The following ADGRE2 variants were observed in gnomAD, a reference collection of about 807,000 sequenced individuals.
ADGRE2 encodes the protein CD97 antigen.
In ADGRE2, 83 loss-of-function variants were observed where a neutral mutation model predicts 100.8. The ratio of observed to expected loss-of-function variants is 0.82; its 90% CI spans 0.69 to 0.99. The LOEUF (loss-of-function observed/expected upper bound fraction) is 0.99, where lower values mean the gene tolerates loss of function less well. Among genes scored for constraint, ADGRE2 ranks in the 50% least tolerant of loss-of-function variants. The pLI, the probability that ADGRE2 is intolerant of heterozygous loss-of-function variation, is 0.00. For synonymous variants in ADGRE2, 355 were observed against 413.0 expected, an observed-to-expected ratio of 0.86 and a Z score of 1.70; for missense variants, 814 against 1,035.7, an observed-to-expected ratio of 0.79 and a Z score of 2.94.
Position 14,756,195 on chromosome 19 carries a change from C to T in ADGRE2, c.1192+43G>A, listed in dbSNP as rs1341392044. On this transcript the variant is annotated intron_variant, in intron 12 of 20. Coordinates refer to ENST00000315576, the MANE Select transcript of ADGRE2 (RefSeq NM_013447.4). ...TTTCACATTCTTGGGCATCTTTTCC[C>T]ACCATGAAGCTTCACTGACCACCTC... is the stretch of plus-strand genomic sequence containing the variant. The T allele has an allele frequency of 4.3e-6, 6 of 1,386,512 alleles. No homozygotes were observed. The East Asian group carries it at 6.8e-5, about 16-fold the overall frequency. The allele number at this position is 1,386,512 out of a possible 1,614,324, so 85.9% of individuals were successfully genotyped here.
chr19:14,746,153 C>T (rs911188901), intron 18 of ADGRE2, 79 bp downstream of exon 18: 6 of 815,526 alleles, frequency 7.4e-6, no homozygotes, highest in African/African-American at 7.1e-5. Context: ...GAAGGGACCT[C>T]AGTGGCTGCT....
At position 14,776,946 on chromosome 19, in the gene ADGRE2, G is replaced by T; in HGVS notation, c.-171-19C>A. On this transcript the variant is annotated intron_variant, in intron 1 of 20. Transcript: ENST00000315576. Reference sequence around the variant, plus strand: ...GGTGCAGCTGGAAGCCAGCAGGAAAGCACAATAAAAACACAGAACCAGGGG... The same window carrying T: ...GGTGCAGCTGGAAGCCAGCAGGAAATCACAATAAAAACACAGAACCAGGGG... The T allele has an allele frequency of 1.4e-5, 19 of 1,368,376 alleles. No individual in the cohort carries two copies. The East Asian group carries it at 1.5e-4, about 11-fold the overall frequency. The allele number at this position is 1,368,376 out of a possible 1,614,324, so 84.8% of individuals were successfully genotyped here. A position where few individuals can be genotyped will look rare whatever the true frequency, so the allele number is the denominator to read the frequency against.
intron 7 of ADGRE2, chr19:14,766,011 C>T: frequency 1.1e-6 from 1 of 905,250 alleles, no homozygotes; most frequent in South Asian, 1.7e-5. Flanking sequence ...GCCTTCCTCC[C>T]AGTGAGTCAT....
downstream of ADGRE2, among the ~76,000 whole-genome samples, chr19:14,728,212 CA>C (rs547568498): frequency 5.9e-3 from 892 of 151,508 alleles, 4 homozygotes; most frequent in African/African-American, 0.02. Flanking sequence ...GACTCCGTCT[CA>C]AAAAAAAATT....
Position 14,774,252 on chromosome 19 carries a change from T to C in ADGRE2, c.82+4A>G, listed in dbSNP as rs758924406. On this transcript the variant is annotated splice_donor_region_variant and intron_variant, in intron 3 of 20. Transcript: ENST00000315576. ...CTGTGCTTTCTGCTTCCCAGCAGAC[T>C]CACCCCTGGAGTCCTGGGTTTCAGC... 18 of 1,563,236 alleles carry C rather than the reference T, an allele frequency of 1.2e-5. No individual in the cohort carries two copies. Among genetic ancestry groups the C allele is most frequent in the Non-Finnish European group, 1.6e-5 (18 of 1,149,146 alleles).
At position 14,755,852 on chromosome 19, in the gene ADGRE2, G is replaced by T. The variant is rs1056140738; in HGVS notation, c.1218C>A (p.Ser406=). The T allele has an allele frequency of 7.4e-6, 12 of 1,614,114 alleles. No individual in the cohort carries two copies. Among genetic ancestry groups the T allele is most frequent in the Non-Finnish European group, 1.0e-5 (12 of 1,180,034 alleles). The stretch of plus-strand genomic sequence containing the variant: ...CCAGCAACTTGCCCATCCCTGGAAT[G>T]GAGACAAGGCCCACCACAGAAGGGC... The part of the protein sequence containing the change: ...DPGPSVVGLV[S]IPGMGKLLAE... Residue 406 remains serine, a synonymous_variant, in exon 13 of 21, where the codon TCC becomes TCA. Coordinates refer to ENST00000315576, the MANE Select transcript of ADGRE2 (RefSeq NM_013447.4).
rs151294697 is a variant in ADGRE2 at position 14,766,796 on chromosome 19, C to T, written c.487+182G>A. Among the ~76,000 whole-genome samples the T allele has an allele frequency of 1.9e-3, 289 of 152,322 alleles. 1 individual carries two copies. The highest frequency in any genetic ancestry group is 6.4e-3 in the African/African-American group (265 of 41,570). ...GCACTCCAAGCCCTGAAGGCCCTGCCGCCTCCCTGCCGTGTGGCGAGTCCT... is the reference window on the plus strand; with the variant it reads ...GCACTCCAAGCCCTGAAGGCCCTGCTGCCTCCCTGCCGTGTGGCGAGTCCT... On this transcript the variant is annotated intron_variant, in intron 6 of 20. Transcript: ENST00000315576.
At chr19:14,725,072 C>T in the ADGRE2 span, among the ~76,000 whole-genome samples, 1 of 152,198 alleles carries the variant, frequency 6.6e-6, no homozygotes. Context: ...CTCTGCTCAG[C>T]TTCTGGCGAG....
At position 14,756,059 on chromosome 19, in the gene ADGRE2, G is replaced by A. The variant is rs191120586; in HGVS notation, c.1192+179C>T. On this transcript the variant is annotated intron_variant, in intron 12 of 20. Transcript: ENST00000315576. ...ATCACATCCTGCAGGACAAGGCCAC[G>A]GTTAATATCTCAGGGTCCCCAACAA... 4.7e-4 allele frequency among the ~76,000 whole-genome samples: 71 copies of A among 152,278 alleles called. No homozygotes were observed. In the Middle Eastern group the frequency reaches 0.01, roughly 22 times the overall value.
intron 14 of ADGRE2, among the ~76,000 whole-genome samples, chr19:14,752,857 T>C (rs1327102616): frequency 6.6e-6 from 1 of 151,900 alleles, no homozygotes; most frequent in Non-Finnish European, 1.5e-5. Context: ...CTGCAGCCTC[T>C]GTCTCCTCGG....
intron 11 of ADGRE2, 62 bp from the exon 12 acceptor site, chr19:14,756,407 T>C: frequency 1.9e-6 from 2 of 1,060,248 alleles, no homozygotes; most frequent in Non-Finnish European, 2.9e-6. Context: ...CAGTGGTTGA[T>C]ATACTATGAC....
intron 20 of ADGRE2, among the ~76,000 whole-genome samples, chr19:14,740,636 A>G (rs2042901848): frequency 6.8e-6 from 1 of 147,976 alleles, no homozygotes; most frequent in Non-Finnish European, 1.5e-5. Context: ...AAAAAAAAAA[A>G]AGAAAAATAA....
At chr19:14,752,046 G>A (rs776025291) in intron 15 of ADGRE2, among the ~76,000 whole-genome samples, 13 of 150,818 alleles carry the variant, frequency 8.6e-5, no homozygotes, top group South Asian at 2.1e-4. Flanking sequence ...AGATTCTCTT[G>A]CCTCAGCCTC....
chr19:14,771,141 C>T (rs1285030974), intron 5 of ADGRE2, among the ~76,000 whole-genome samples: 1 of 152,156 alleles, frequency 6.6e-6, no homozygotes, highest in South Asian at 2.1e-4. Context: ...TCTGTCCTCA[C>T]TTTCCTCCCA....
chr19:14,752,580 G>T, intron 14 of ADGRE2, 54 bp from the exon 15 acceptor site: 2 of 1,574,056 alleles, frequency 1.3e-6, no homozygotes, highest in South Asian at 1.1e-5. Flanking sequence ...CTGGGGTAAT[G>T]ACCCCACCAC....
rs200389277 is a variant in ADGRE2, at chr19:14,766,279, G to A, written c.590C>T (p.Pro197Leu). ...TGGGCCATTGGGGGACCCCGGAATC[G>A]GTTGCCAGCCCGGGCGGCAGCGGCA... is the stretch of plus-strand genomic sequence containing the variant. ...YQCRCRPGWQ[P>L]IPGSPNGPNN... Residue 197 changes from proline (P) to leucine (L), a missense_variant, in exon 7 of 21, where the codon CCG becomes CTG. Coordinates refer to ENST00000315576, the MANE Select transcript of ADGRE2 (RefSeq NM_013447.4). 1.7e-5 allele frequency: 27 copies of A among 1,613,962 alleles called. No homozygotes were observed. Among genetic ancestry groups the A allele is most frequent in the Middle Eastern group, 1.6e-4 (1 of 6,084 alleles).
intron 4 of ADGRE2, among the ~76,000 whole-genome samples, chr19:14,772,836 T>C (rs573857478): frequency 1.3e-5 from 2 of 151,494 alleles, no homozygotes; most frequent in South Asian, 4.2e-4. Context: ...TCCCAGCACT[T>C]TGGGAGGCCG....
Position 14,743,509 on chromosome 19 carries a change from A to G in ADGRE2, c.2374T>C (p.Trp792Arg), listed in dbSNP as rs557561000. 6.2e-7 allele frequency: 1 copy of G among 1,614,156 alleles called. No individual in the cohort carries two copies. Among genetic ancestry groups the G allele is most frequent in the South Asian group, 1.1e-5 (1 of 91,082 alleles). Residue 792 changes from tryptophan (W) to arginine (R), a missense_variant, in exon 20 of 21, where the codon TGG becomes CGG. By Grantham distance (101) the Trp-to-Arg change is moderately radical. Transcript: ENST00000315576. ...TTCAATTTCCTGATCCCTTTGGACC[A>G]TTTCCCATATTGCTCCCGGACCTGC... ...SQQVREQYGK[W>R]SKGIRKLKTE... is the part of the protein sequence containing the mutation.
chr19:14,755,932 A>G, intron 12 of ADGRE2, 55 bp from the exon 13 acceptor site: 1 of 1,456,660 alleles, frequency 6.9e-7, no homozygotes, highest in East Asian at 2.4e-5. Flanking sequence ...CTGGGTCCAC[A>G]CCAGAGTTCC....
Sources: gnomAD v4.1 joint callset for allele counts (sites outside exome capture counted in the v4.1 genomes callset) on GRCh38, gnomAD v4.1.1 for gene constraint, MANE v1.5 for transcripts, NCBI Gene and HGNC (gene_info 2026-07-23, HGNC 2026-07-21) for gene names.